The following SLC25A21 variants were observed in gnomAD, a reference collection of about 807,000 sequenced individuals.
SLC25A21 encodes the protein solute carrier family 25 member 21, also known as mitochondrial 2-oxodicarboxylate carrier.
SLC25A21 carries 47 observed loss-of-function variants against 43.8 expected under a neutral mutation model. That is an observed-to-expected ratio of 1.07 (90% CI 0.85 to 1.37). SLC25A21 has a LOEUF of 1.37. SLC25A21 is among the 40% of genes most tolerant of loss of function. SLC25A21 has a pLI of 0.00. For synonymous variants in SLC25A21, 131 were observed against 121.3 expected, an observed-to-expected ratio of 1.08 and a Z score of -0.52; for missense variants, 352 against 350.2, an observed-to-expected ratio of 1.00 and a Z score of -0.04.
chr14:37,112,669 T>C (rs1963040167), intron 1 of SLC25A21, among the ~76,000 whole-genome samples: 1 of 152,164 alleles, frequency 6.6e-6, no homozygotes, highest in African/African-American at 2.4e-5. Flanking sequence ...GCCACATTTG[T>C]ATTAAGGAAG....
chr14:36,864,660 C>G (rs1890162341), intron 2 of SLC25A21, among the ~76,000 whole-genome samples: 1 of 152,258 alleles, frequency 6.6e-6, no homozygotes, highest in Non-Finnish European at 1.5e-5. Context: ...TTATATGTTG[C>G]CATGGATTGA....
intron 1 of SLC25A21, among the ~76,000 whole-genome samples, chr14:37,166,600 G>A (rs1168634174): frequency 4.6e-5 from 7 of 152,050 alleles, no homozygotes; most frequent in East Asian, 3.9e-4. Context: ...AACTGGATCC[G>A]GCATTTAGTA....
chr14:37,019,104 G>T (rs1020157637), intron 1 of SLC25A21, among the ~76,000 whole-genome samples: 12 of 151,840 alleles, frequency 7.9e-5, no homozygotes, highest in African/African-American at 2.7e-4. Flanking sequence ...ATATATTCAT[G>T]ACATTCCTTT....
chr14:36,733,229 T>C (rs1884902728), intron 4 of SLC25A21, among the ~76,000 whole-genome samples: 1 of 152,210 alleles, frequency 6.6e-6, no homozygotes, highest in Non-Finnish European at 1.5e-5. Flanking sequence ...ACTTCCCTTT[T>C]GAACAGGAAC....
At chr14:36,831,074 A>G (rs1889022799) in intron 2 of SLC25A21, among the ~76,000 whole-genome samples, 1 of 152,238 alleles carries the variant, frequency 6.6e-6, no homozygotes, top group East Asian at 1.9e-4. Flanking sequence ...CAATGACTAC[A>G]TACAAAATAT....
intron 1 of SLC25A21, among the ~76,000 whole-genome samples, chr14:37,035,751 A>G (rs1477175990): frequency 6.6e-6 from 1 of 152,254 alleles, no homozygotes; most frequent in Non-Finnish European, 1.5e-5. Flanking sequence ...CAAATGGAAA[A>G]GCACACACAG....
At chr14:37,019,041 C>A (rs1023854089) in intron 1 of SLC25A21, among the ~76,000 whole-genome samples, 7 of 151,868 alleles carry the variant, frequency 4.6e-5, no homozygotes, top group African/African-American at 9.7e-5. Flanking sequence ...GATATTCTTG[C>A]CCCTCCAATC....
chr14:36,789,885 TA>T (rs1349591927), intron 3 of SLC25A21, among the ~76,000 whole-genome samples: 1 of 120,906 alleles, frequency 8.3e-6, no homozygotes, highest in Non-Finnish European at 1.6e-5. Context: ...TATATTTATA[TA>T]AAATATATAT....
chr14:36,772,393 G>A (rs1476076356), intron 3 of SLC25A21, among the ~76,000 whole-genome samples: 1 of 152,178 alleles, frequency 6.6e-6, no homozygotes, highest in Non-Finnish European at 1.5e-5. Flanking sequence ...CTTTTTCCAA[G>A]AATGATTTCT....
At chr14:37,157,683 T>G (rs1963874504) in intron 1 of SLC25A21, among the ~76,000 whole-genome samples, 1 of 151,764 alleles carries the variant, frequency 6.6e-6, no homozygotes, top group Admixed American at 6.6e-5. Flanking sequence ...CTCAAGGAAC[T>G]AGAAAAGCAA....
intron 1 of SLC25A21, among the ~76,000 whole-genome samples, chr14:36,904,202 T>G (rs950344814): frequency 1.1e-4 from 16 of 152,172 alleles, no homozygotes; most frequent in Non-Finnish European, 1.0e-4. Context: ...CGACCCAGAT[T>G]CAAAAATTGA....
At chr14:36,915,903 C>A (rs75947546) in intron 1 of SLC25A21, among the ~76,000 whole-genome samples, 4,927 of 152,122 alleles carry the variant, frequency 0.032, 224 homozygotes, top group East Asian at 0.22. Context: ...GTAACCTAAT[C>A]AGCATCTCTA....
At chr14:37,015,002 G>T (rs984814678) in intron 1 of SLC25A21, among the ~76,000 whole-genome samples, 1 of 151,998 alleles carries the variant, frequency 6.6e-6, no homozygotes, top group African/African-American at 2.4e-5. Flanking sequence ...AGGCTTTGTT[G>T]TTCCATTTAT....
intron 2 of SLC25A21, among the ~76,000 whole-genome samples, chr14:36,823,582 G>A (rs1034769807): frequency 6.6e-6 from 1 of 152,120 alleles, no homozygotes; most frequent in African/African-American, 2.4e-5. Flanking sequence ...TTTGGGAAAT[G>A]GGGGAAGGAT....
At chr14:37,018,538 C>T (rs966847606) in intron 1 of SLC25A21, among the ~76,000 whole-genome samples, 1 of 151,992 alleles carries the variant, frequency 6.6e-6, no homozygotes, top group South Asian at 2.1e-4. Flanking sequence ...TTTCGTATTC[C>T]CTATCTCCAA....
intron 1 of SLC25A21, among the ~76,000 whole-genome samples, chr14:37,051,046 G>A (rs1348743825): frequency 1.3e-5 from 2 of 152,066 alleles, no homozygotes; most frequent in East Asian, 3.8e-4. Flanking sequence ...ATTGGCCTTA[G>A]TGCTATCTTA....
At chr14:37,166,609 T>C (rs1433938674) in intron 1 of SLC25A21, among the ~76,000 whole-genome samples, 1 of 152,242 alleles carries the variant, frequency 6.6e-6, no homozygotes. Context: ...CGGCATTTAG[T>C]ATTTACTCAA....
chr14:36,935,305 A>C (rs1892393185), intron 1 of SLC25A21, among the ~76,000 whole-genome samples: 1 of 152,126 alleles, frequency 6.6e-6, no homozygotes, highest in Admixed American at 6.6e-5. Flanking sequence ...CTTATCCTGG[A>C]ATGGAACAAG....
At chr14:36,756,904 A>G (rs1885953456) in intron 3 of SLC25A21, among the ~76,000 whole-genome samples, 1 of 152,212 alleles carries the variant, frequency 6.6e-6, no homozygotes, top group South Asian at 2.1e-4. Flanking sequence ...TCTCTGCTGT[A>G]GAAATAATAC....
Sources: allele counts gnomAD v4.1 joint callset (sites outside exome capture counted in the v4.1 genomes callset), GRCh38; gene constraint gnomAD v4.1.1; transcripts MANE v1.5; gene names NCBI Gene and HGNC (gene_info 2026-07-23, HGNC 2026-07-21).